Variants in KCNIP4 observed in about 807,000 individuals in gnomAD.
KCNIP4 encodes the protein potassium voltage-gated channel interacting protein 4.
Under a neutral mutation model 34.0 loss-of-function variants are expected in KCNIP4, and 12 were observed. That is an observed-to-expected ratio of 0.35 (90% CI 0.23 to 0.57). The LOEUF is 0.57. Ranked by LOEUF, KCNIP4 falls within the 20% of genes least tolerant of loss-of-function variation. KCNIP4 has a pLI of 0.83. For synonymous variants in KCNIP4, 124 were observed against 102.2 expected (o/e 1.21, Z -1.29); for missense variants, 238 against 311.7 (o/e 0.76, Z 1.78).
intron 1 of KCNIP4, among the ~76,000 whole-genome samples, chr4:20,936,079 T>C (rs1731026760): frequency 6.6e-6 from 1 of 150,560 alleles, no homozygotes; most frequent in Non-Finnish European, 1.5e-5. Context: ...ATATGAAAGA[T>C]ACAGTTTTTT....
chr4:21,937,155 A>C (rs1729905231), intron 1 of KCNIP4, among the ~76,000 whole-genome samples: 1 of 152,152 alleles, frequency 6.6e-6, no homozygotes, highest in African/African-American at 2.4e-5. Flanking sequence ...GAAATGGATT[A>C]AATTTGGACT....
intron 1 of KCNIP4, among the ~76,000 whole-genome samples, chr4:21,233,924 T>C (rs1270185970): frequency 7.7e-6 from 1 of 130,294 alleles, no homozygotes; most frequent in Non-Finnish European, 1.6e-5. Flanking sequence ...ATATATTATG[T>C]AATTATATTA....
intron 1 of KCNIP4, among the ~76,000 whole-genome samples, chr4:20,885,842 C>T (rs1190522547): frequency 2.0e-5 from 3 of 152,152 alleles, no homozygotes; most frequent in African/African-American, 7.2e-5. Flanking sequence ...TGTCTCAGGG[C>T]CTTTTCACAT....
intron 1 of KCNIP4, among the ~76,000 whole-genome samples, chr4:21,100,174 T>C (rs1405847280): frequency 6.6e-6 from 1 of 152,172 alleles, no homozygotes; most frequent in Non-Finnish European, 1.5e-5. Context: ...AGTAAAATGT[T>C]ATCAGACAGC....
chr4:21,457,221 C>A (rs906553481), intron 1 of KCNIP4, among the ~76,000 whole-genome samples: 3 of 152,050 alleles, frequency 2.0e-5, no homozygotes, highest in Non-Finnish European at 1.5e-5. Context: ...CATTTGTCAT[C>A]TGCTGCTTCT....
intron 1 of KCNIP4, among the ~76,000 whole-genome samples, chr4:21,222,829 C>A (rs1287263075): frequency 6.6e-6 from 1 of 152,140 alleles, no homozygotes; most frequent in Non-Finnish European, 1.5e-5. Flanking sequence ...GACAGAATCA[C>A]AGTTGTGTTT....
intron 3 of KCNIP4, among the ~76,000 whole-genome samples, chr4:20,831,009 T>C (rs1436929337): frequency 2.0e-5 from 3 of 152,228 alleles, no homozygotes; most frequent in African/African-American, 4.8e-5. Context: ...TCAAGACTTT[T>C]AGTATTTGCC....
chr4:21,678,672 T>C (rs1350029147), intron 1 of KCNIP4, among the ~76,000 whole-genome samples: 3 of 152,220 alleles, frequency 2.0e-5, no homozygotes, highest in Non-Finnish European at 4.4e-5. Flanking sequence ...CTGGCTGGCC[T>C]GTCTGCCTGA....
chr4:21,336,160 T>A (rs919605997), intron 1 of KCNIP4, among the ~76,000 whole-genome samples: 7 of 152,166 alleles, frequency 4.6e-5, no homozygotes, highest in Admixed American at 3.9e-4. Context: ...TTATTTACAT[T>A]GATACGTGAG....
intron 1 of KCNIP4, among the ~76,000 whole-genome samples, chr4:21,327,822 A>G (rs1300569154): frequency 6.6e-6 from 1 of 151,846 alleles, no homozygotes; most frequent in African/African-American, 2.4e-5. Context: ...TGCTTGATCA[A>G]TTCTGCTGTT....
At chr4:21,340,260 ATCTC>A (rs3080881) in intron 1 of KCNIP4, among the ~76,000 whole-genome samples, 107,438 of 151,516 alleles carry the variant, frequency 0.71, 39,069 homozygotes, top group African/African-American at 0.87. Flanking sequence ...AAGATGTAGT[ATCTC>A]TCTCATCTGT....
intron 1 of KCNIP4, among the ~76,000 whole-genome samples, chr4:20,886,763 G>A (rs1725358838): frequency 6.6e-6 from 1 of 152,104 alleles, no homozygotes; most frequent in Admixed American, 6.6e-5. Flanking sequence ...ACAAAGAATA[G>A]ACCTAAAGCT....
intron 5 of KCNIP4, among the ~76,000 whole-genome samples, chr4:20,737,203 AGAG>A (rs1749823571): frequency 6.6e-6 from 1 of 152,196 alleles, no homozygotes; most frequent in African/African-American, 2.4e-5. Flanking sequence ...GCAGGTACAG[AGAG>A]GAGAAGCTGG....
intron 1 of KCNIP4, among the ~76,000 whole-genome samples, chr4:21,944,282 G>A (rs1408157805): frequency 6.6e-6 from 1 of 151,976 alleles, no homozygotes; most frequent in Non-Finnish European, 1.5e-5. Flanking sequence ...GGTAGCTCAC[G>A]CCTGTAATCC....
chr4:21,197,857 C>T (rs962645831), intron 1 of KCNIP4, among the ~76,000 whole-genome samples: 1 of 152,160 alleles, frequency 6.6e-6, no homozygotes, highest in Non-Finnish European at 1.5e-5. Flanking sequence ...ACTTTGGACT[C>T]AGTTAGAACT....
In KCNIP4 at chr4:20,846,822, T is replaced by G. The variant is rs910643793; in HGVS notation, c.288+3721A>C. ...TGTTATATATCTAGTTCAATGGTTC[T>G]CAATCTTGCCTACACAATATAATTA... is the stretch of plus-strand genomic sequence containing the variant. On this transcript the variant is annotated intron_variant, in intron 3 of 8. Coordinates refer to ENST00000382152, the MANE Select transcript of KCNIP4 (RefSeq NM_025221.6). Among the ~76,000 whole-genome samples, 84 of 152,190 alleles carry G rather than the reference T, an allele frequency of 5.5e-4. 1 individual carries two copies. The highest frequency in any genetic ancestry group is 2.0e-4 in the Admixed American group (3 of 15,268).
intron 1 of KCNIP4, among the ~76,000 whole-genome samples, chr4:21,934,678 C>T (rs568798528): frequency 2.6e-5 from 4 of 152,020 alleles, no homozygotes; most frequent in Non-Finnish European, 5.9e-5. Context: ...CAGAGTACCA[C>T]GTGCCACCCT....
intron 1 of KCNIP4, among the ~76,000 whole-genome samples, chr4:21,482,564 C>T (rs1211513775): frequency 6.6e-6 from 1 of 152,092 alleles, no homozygotes; most frequent in Non-Finnish European, 1.5e-5. Flanking sequence ...TTCTCCTTCA[C>T]TTATGAAGTT....
chr4:21,558,361 G>A (rs543697699), intron 1 of KCNIP4, among the ~76,000 whole-genome samples: 9 of 152,028 alleles, frequency 5.9e-5, no homozygotes, highest in East Asian at 3.9e-4. Context: ...GTGTGGTGGC[G>A]TATGCCTATA....
Sources: gnomAD v4.1 joint callset for allele counts (sites outside exome capture counted in the v4.1 genomes callset) on GRCh38, gnomAD v4.1.1 for gene constraint, MANE v1.5 for transcripts, NCBI Gene and HGNC (gene_info 2026-07-23, HGNC 2026-07-21) for gene names.